Variants in HTR4 observed in about 807,000 individuals in gnomAD.
The protein encoded by HTR4 is 5-hydroxytryptamine receptor 4, also known as 5-hydroxytryptamine (serotonin) receptor 4, G protein-coupled.
Under a neutral mutation model 36.8 loss-of-function variants are expected in HTR4, and 16 were observed. The ratio of observed to expected loss-of-function variants is 0.43; its 90% CI spans 0.29 to 0.66. The LOEUF is 0.66. Among genes scored for constraint, HTR4 ranks in the 30% least tolerant of loss-of-function variants. HTR4 has a pLI of 0.13. For synonymous variants in HTR4, 189 were observed against 185.1 expected (o/e 1.02, Z -0.17); for missense variants, 438 against 490.9 (o/e 0.89, Z 1.02).
intron 2 of HTR4, among the ~76,000 whole-genome samples, chr5:148,634,728 C>T (rs1232085611): frequency 6.6e-6 from 1 of 152,160 alleles, no homozygotes; most frequent in African/African-American, 2.4e-5. Context: ...TTGCCCCTTC[C>T]CAAACAGAGC....
chr5:148,580,042 C>A (rs558393331), intron 2 of HTR4, among the ~76,000 whole-genome samples: 77 of 152,028 alleles, frequency 5.1e-4, no homozygotes, highest in Middle Eastern at 3.4e-3. Context: ...TGTATGTACT[C>A]CAGGGAGCAG....
intron 6 of HTR4, among the ~76,000 whole-genome samples, chr5:148,504,551 A>G (rs1341696686): frequency 6.6e-6 from 1 of 152,226 alleles, no homozygotes; most frequent in Non-Finnish European, 1.5e-5. Context: ...GGAAAGATCT[A>G]AAATTGACAC....
chr5:148,605,640 G>T lies in HTR4; in HGVS notation c.26+31349C>A, dbSNP rs1017488239. Among the ~76,000 whole-genome samples, 7 of 151,966 alleles carry T rather than the reference G, an allele frequency of 4.6e-5. No homozygotes were observed. The East Asian group carries it at 7.7e-4, about 17-fold the overall frequency. On this transcript the variant is annotated intron_variant, in intron 2 of 6. Transcript: ENST00000377888. The stretch of plus-strand genomic sequence containing the variant: ...CTACCTATATTGAAGGACAGAGCGG[G>T]CCAGGGATCCCCTTCAGGACAAATT...
At chr5:148,485,830 G>C (rs1272809617) in intron 6 of HTR4, among the ~76,000 whole-genome samples, 2 of 152,212 alleles carry the variant, frequency 1.3e-5, no homozygotes, top group Non-Finnish European at 2.9e-5. Flanking sequence ...AAGCCATGTG[G>C]TTGGGCATGT....
intron 6 of HTR4, among the ~76,000 whole-genome samples, chr5:148,502,621 C>A (rs1756992277): frequency 6.6e-6 from 1 of 152,182 alleles, no homozygotes; most frequent in South Asian, 2.1e-4. Context: ...CAGCTCCTCA[C>A]CAGAAATGGA....
At chr5:148,516,947 A>G (rs561913708) in intron 5 of HTR4, among the ~76,000 whole-genome samples, 3 of 152,208 alleles carry the variant, frequency 2.0e-5, no homozygotes, top group African/African-American at 7.2e-5. Flanking sequence ...CACAGACCTT[A>G]TATGACTCAG....
intron 4 of HTR4, 129 bp downstream of exon 4, chr5:148,548,539 C>T (rs1327849426): frequency 3.0e-5 from 25 of 820,184 alleles, no homozygotes; most frequent in East Asian, 2.4e-4. Context: ...GACTGTATAA[C>T]TGAATTATCA....
chr5:148,463,728 T>A (rs1199575742), intron 5 of HTR4, among the ~76,000 whole-genome samples: 1 of 151,794 alleles, frequency 6.6e-6, no homozygotes, highest in Non-Finnish European at 1.5e-5. Context: ...TAACAAAGAA[T>A]AACTAATTCT....
chr5:148,473,802 G>A (rs752915644), downstream of HTR4, among the ~76,000 whole-genome samples: 17 of 152,158 alleles, frequency 1.1e-4, no homozygotes, highest in Non-Finnish European at 2.2e-4. Flanking sequence ...CCCAGCTAGT[G>A]AGCGGCAAAA....
downstream of HTR4, chr5:148,476,807 T>C: frequency 6.2e-7 from 1 of 1,608,672 alleles, no homozygotes; most frequent in South Asian, 1.1e-5. Context: ...TATCAAAATG[T>C]CACAGGAGAA....
chr5:148,504,210 C>A (rs949066113), intron 6 of HTR4, among the ~76,000 whole-genome samples: 1 of 152,204 alleles, frequency 6.6e-6, no homozygotes, highest in Admixed American at 6.5e-5. Context: ...AGCACCACAT[C>A]ACACTTATTC....
chr5:148,542,635 T>C (rs1324359091), intron 4 of HTR4, among the ~76,000 whole-genome samples: 1 of 152,164 alleles, frequency 6.6e-6, no homozygotes, highest in African/African-American at 2.4e-5. Flanking sequence ...GAAGTGAAAT[T>C]GACTTTTTTT....
At chr5:148,488,070 C>T (rs534979947) in intron 6 of HTR4, among the ~76,000 whole-genome samples, 7 of 152,178 alleles carry the variant, frequency 4.6e-5, no homozygotes, top group African/African-American at 1.7e-4. Context: ...TGATAAAAAC[C>T]GAGTTGTCTA....
At chr5:148,477,933 C>T (rs1333274967), downstream of HTR4, among the ~76,000 whole-genome samples, 2 of 152,180 alleles carry the variant, frequency 1.3e-5, no homozygotes, top group East Asian at 3.9e-4. Context: ...CTCCATCTAA[C>T]CTTCCCTAAC....
chr5:148,526,771 G>A (rs1230883385), intron 4 of HTR4, among the ~76,000 whole-genome samples: 1 of 152,068 alleles, frequency 6.6e-6, no homozygotes, highest in East Asian at 1.9e-4. Flanking sequence ...AATAAGCCAG[G>A]CACAGAAGGA....
downstream of HTR4, chr5:148,476,838 G>T (rs554945468): frequency 1.9e-6 from 3 of 1,590,548 alleles, no homozygotes; most frequent in Non-Finnish European, 2.6e-6. Flanking sequence ...AATGTTTGGG[G>T]ATTGGAATAG....
At chr5:148,608,526 A>C (rs1752276029) in intron 2 of HTR4, among the ~76,000 whole-genome samples, 1 of 152,346 alleles carries the variant, frequency 6.6e-6, no homozygotes, top group South Asian at 2.1e-4. Flanking sequence ...CGTAAAGTAG[A>C]AAGTGGTATG....
chr5:148,649,364 T>G (rs1753965360), intron 1 of HTR4, among the ~76,000 whole-genome samples: 1 of 152,300 alleles, frequency 6.6e-6, no homozygotes, highest in South Asian at 2.1e-4. Flanking sequence ...GATTGAGATA[T>G]CAAAAATTAA....
intron 2 of HTR4, among the ~76,000 whole-genome samples, chr5:148,608,307 TATC>T (rs1173330616): frequency 2.0e-5 from 3 of 152,166 alleles, no homozygotes; most frequent in Admixed American, 2.0e-4. Flanking sequence ...TATCATATAA[TATC>T]ATAAATATTA....
Sources: allele counts gnomAD v4.1 joint callset (sites outside exome capture counted in the v4.1 genomes callset), GRCh38; gene constraint gnomAD v4.1.1; transcripts MANE v1.5; gene names NCBI Gene and HGNC (gene_info 2026-07-23, HGNC 2026-07-21).